The following SLC13A3 variants were observed in gnomAD, a reference collection of about 807,000 sequenced individuals.
SLC13A3 encodes solute carrier family 13 member 3.
Under a neutral mutation model 59.0 loss-of-function variants are expected in SLC13A3, and 40 were observed. That is an observed-to-expected ratio of 0.68 (90% confidence interval 0.53 to 0.88). SLC13A3 has a LOEUF of 0.88. Among genes scored for constraint, SLC13A3 ranks in the 40% least tolerant of loss-of-function variants. The pLI is 0.00. For synonymous variants in SLC13A3, 317 were observed against 330.3 expected (o/e 0.96, Z 0.44); for missense variants, 699 against 783.2 (o/e 0.89, Z 1.28).
At chr20:46,585,181 T>A in intron 8 of SLC13A3, 1 of 984,664 alleles carries the variant, frequency 1.0e-6, no homozygotes, top group Non-Finnish European at 1.2e-6. Context: ...AATGGCAAGT[T>A]GTCCATGATC....
intron 1 of SLC13A3, among the ~76,000 whole-genome samples, chr20:46,637,758 AG>A (rs1244975534): frequency 6.6e-6 from 1 of 152,132 alleles, no homozygotes; most frequent in Non-Finnish European, 1.5e-5. Context: ...AGGCACAGAG[AG>A]GCTAAGTAAC....
At chr20:46,661,408 G>GT (rs2063029201) in intron 1 of SLC13A3, among the ~76,000 whole-genome samples, 1 of 152,162 alleles carries the variant, frequency 6.6e-6, no homozygotes, top group Admixed American at 6.5e-5. Flanking sequence ...GATTGTTTCA[G>GT]TTCATCACTG....
intron 5 of SLC13A3, among the ~76,000 whole-genome samples, chr20:46,594,967 C>A (rs1041706128): frequency 6.6e-6 from 1 of 152,134 alleles, no homozygotes; most frequent in Admixed American, 6.5e-5. Context: ...ACATAGCAAA[C>A]CTCTCTCGGG....
chr20:46,612,680 A>G (rs1225169741), intron 2 of SLC13A3, among the ~76,000 whole-genome samples: 1 of 152,208 alleles, frequency 6.6e-6, no homozygotes, highest in Non-Finnish European at 1.5e-5. Flanking sequence ...TTATGCATTT[A>G]AAAACATTAT....
chr20:46,630,833 C>A (rs944137599), intron 1 of SLC13A3, among the ~76,000 whole-genome samples: 17 of 152,176 alleles, frequency 1.1e-4, no homozygotes, highest in African/African-American at 4.1e-4. Flanking sequence ...CCGATTCTTC[C>A]ACATTCTAGC....
intron 9 of SLC13A3, among the ~76,000 whole-genome samples, chr20:46,581,636 AG>A (rs2062139239): frequency 6.6e-6 from 1 of 152,158 alleles, no homozygotes; most frequent in African/African-American, 2.4e-5. Context: ...GGCTGCCACC[AG>A]GGGGAAGAAG....
chr20:46,663,849 T>C (rs2063046632), intron 1 of SLC13A3, among the ~76,000 whole-genome samples: 1 of 152,122 alleles, frequency 6.6e-6, no homozygotes, highest in African/African-American at 2.4e-5. Flanking sequence ...AGTATAGGTG[T>C]TTATTAGATC....
intron 5 of SLC13A3, among the ~76,000 whole-genome samples, chr20:46,592,775 A>C (rs1319533412): frequency 6.6e-6 from 1 of 152,152 alleles, no homozygotes; most frequent in South Asian, 2.1e-4. Flanking sequence ...TGCCCCCTGG[A>C]GGCCAGACAG....
At chr20:46,645,844 C>A (rs2062889398) in intron 1 of SLC13A3, among the ~76,000 whole-genome samples, 1 of 152,122 alleles carries the variant, frequency 6.6e-6, no homozygotes, top group African/African-American at 2.4e-5. Flanking sequence ...ATACATGATA[C>A]CCACAGAAAA....
intron 1 of SLC13A3, among the ~76,000 whole-genome samples, chr20:46,639,894 C>T (rs753981880): frequency 6.6e-6 from 1 of 152,188 alleles, no homozygotes; most frequent in African/African-American, 2.4e-5. Flanking sequence ...AACACAGACC[C>T]TGGAGCCAGA....
intron 5 of SLC13A3, 125 bp from the exon 6 acceptor site, chr20:46,592,654 G>T: frequency 1.0e-6 from 1 of 958,752 alleles, no homozygotes; most frequent in Non-Finnish European, 1.6e-6. Context: ...TGGAAGTCTT[G>T]GGAACAGTGT....
intron 1 of SLC13A3, among the ~76,000 whole-genome samples, chr20:46,626,265 T>C (rs1245214247): frequency 6.8e-6 from 1 of 147,384 alleles, no homozygotes; most frequent in Non-Finnish European, 1.5e-5. Flanking sequence ...CTCCTCCCTT[T>C]CTCTCTCTCC....
rs376006941 is a variant in SLC13A3, at chr20:46,592,450, C to A, written c.874G>T (p.Ala292Ser). 14 of 1,613,804 alleles carry A rather than the reference C, an allele frequency of 8.7e-6. No individual in the cohort carries two copies. The highest frequency in any genetic ancestry group is 1.6e-4 in the Middle Eastern group (1 of 6,082). The change falls in exon 6 of 13, where the codon GCA becomes TCA. Residue 292 changes from alanine (A) to serine (S), a missense_variant. Ala to Ser is a moderately conservative substitution (Grantham distance 99). Coordinates refer to ENST00000279027, the MANE Select transcript of SLC13A3 (RefSeq NM_022829.6). ...AFPLMLLFLL[A>S]GWLWISFLYG... ...AGGAAGGAGATCCAGAGCCAGCCTG[C>A]CAACAGGAACAACAGCATAAGAGGG...
chr20:46,633,695 G>T (rs900959035), intron 1 of SLC13A3, among the ~76,000 whole-genome samples: 3 of 152,208 alleles, frequency 2.0e-5, no homozygotes, highest in African/African-American at 7.2e-5. Flanking sequence ...TCTACCCACT[G>T]CCCTGAGAGG....
intron 1 of SLC13A3, among the ~76,000 whole-genome samples, chr20:46,621,288 G>T (rs1431501243): frequency 6.6e-6 from 1 of 151,760 alleles, no homozygotes; most frequent in Non-Finnish European, 1.5e-5. Flanking sequence ...GAATCATTAG[G>T]CATCTGTCTT....
At chr20:46,595,333 C>CT (rs1018806808) in intron 5 of SLC13A3, among the ~76,000 whole-genome samples, 2 of 151,964 alleles carry the variant, frequency 1.3e-5, no homozygotes, top group African/African-American at 2.4e-5. Context: ...CTTTTCTTTT[C>CT]TTTTTTTTAG....
chr20:46,641,484 T>C (rs1462178234), intron 1 of SLC13A3, among the ~76,000 whole-genome samples: 1 of 152,002 alleles, frequency 6.6e-6, no homozygotes. Flanking sequence ...GAGTGATTTG[T>C]GGGATGAAGA....
intron 1 of SLC13A3, among the ~76,000 whole-genome samples, chr20:46,638,321 T>G (rs1045957207): frequency 6.6e-6 from 1 of 152,220 alleles, no homozygotes; most frequent in Non-Finnish European, 1.5e-5. Flanking sequence ...GCTGGAAGAA[T>G]GTTCCTTTGC....
chr20:46,678,096 G>A (rs1390901670), intron 1 of SLC13A3, among the ~76,000 whole-genome samples: 1 of 152,198 alleles, frequency 6.6e-6, no homozygotes, highest in Non-Finnish European at 1.5e-5. Context: ...CACTTTACAG[G>A]TGGAGAAACT....
Sources: gnomAD v4.1 joint callset for allele counts (sites outside exome capture counted in the v4.1 genomes callset) on GRCh38, gnomAD v4.1.1 for gene constraint, MANE v1.5 for transcripts, NCBI Gene and HGNC (gene_info 2026-07-23, HGNC 2026-07-21) for gene names.